The following PRR16 variants were observed in gnomAD, a reference collection of about 807,000 sequenced individuals.
The protein encoded by PRR16 is proline rich 16, also known as protein Largen.
Under a neutral mutation model 18.2 loss-of-function variants are expected in PRR16, and 6 were observed. The ratio of observed to expected loss-of-function variants is 0.33; its 90% CI spans 0.18 to 0.65. The LOEUF (loss-of-function observed/expected upper bound fraction) is 0.65. Ranked by LOEUF, PRR16 falls within the 30% of genes least tolerant of loss-of-function variation. The probability of loss-of-function intolerance (pLI) is 0.74; values close to 1 mark genes in which losing one functional copy is unlikely to be tolerated. For missense variants in PRR16, 412 were observed against 376.6 expected, an observed-to-expected ratio of 1.09 and a Z score of -0.78; for synonymous variants, 151 against 147.8, an observed-to-expected ratio of 1.02 and a Z score of -0.16.
At chr5:120,734,020 A>G in the PRR16 span, among the ~76,000 whole-genome samples, 4 of 152,204 alleles carry the variant, frequency 2.6e-5, no homozygotes, top group African/African-American at 9.6e-5. Flanking sequence ...ATTCATTAAT[A>G]CAACTGTGTG....
chr5:120,552,543 AGATT>A (rs1405336239), intron 1 of PRR16, among the ~76,000 whole-genome samples: 2 of 151,956 alleles, frequency 1.3e-5, no homozygotes, highest in South Asian at 2.1e-4. Context: ...GATTATATAT[AGATT>A]ATTTCTAGCT....
chr5:120,591,751 G>A (rs1432346080), intron 1 of PRR16, among the ~76,000 whole-genome samples: 3 of 151,920 alleles, frequency 2.0e-5, no homozygotes, highest in Non-Finnish European at 4.4e-5. Flanking sequence ...TCAATTTTCA[G>A]AATTATAGCA....
At chr5:120,613,833 C>T (rs1754415311) in intron 1 of PRR16, among the ~76,000 whole-genome samples, 1 of 152,118 alleles carries the variant, frequency 6.6e-6, no homozygotes, top group Non-Finnish European at 1.5e-5. Context: ...ATCCAATAGC[C>T]CTCTGCTGTT....
At chr5:120,792,056 T>C in the PRR16 span, among the ~76,000 whole-genome samples, 179 of 152,306 alleles carry the variant, frequency 1.2e-3, 1 homozygote, top group Non-Finnish European at 1.9e-3. Context: ...TCCATGCTGA[T>C]TGCTTCAATC....
intron 1 of PRR16, among the ~76,000 whole-genome samples, chr5:120,558,900 T>C (rs1752494560): frequency 6.6e-6 from 1 of 152,036 alleles, no homozygotes; most frequent in African/African-American, 2.4e-5. Context: ...ATCAGTGATG[T>C]TGAACACCTT....
rs189426846 is a variant in PRR16 at position 120,577,440 on chromosome 5, T to A, written c.160-108514T>A. Reference sequence around the variant, plus strand: ...ATTTGACTGGCATACTAGTTCAGTTTTGAGGAAACCAAATAGGGGCAAAGG... The same window carrying A: ...ATTTGACTGGCATACTAGTTCAGTTATGAGGAAACCAAATAGGGGCAAAGG... On this transcript the variant is annotated intron_variant, in intron 1 of 1. Coordinates refer to ENST00000407149, the MANE Select transcript of PRR16 (RefSeq NM_001300783.2). 1.0e-3 allele frequency among the ~76,000 whole-genome samples: 157 copies of A among 151,748 alleles called. 1 individual carries two copies. Among genetic ancestry groups the A allele is most frequent in the Admixed American group, 2.4e-3 (36 of 15,162 alleles).
intron 1 of PRR16, among the ~76,000 whole-genome samples, chr5:120,586,169 C>G (rs1753435503): frequency 8.3e-6 from 1 of 120,716 alleles, no homozygotes; most frequent in Admixed American, 7.8e-5. Context: ...GAGACTCCAT[C>G]TCAAAAAAAA....
chr5:120,538,494 A>C (rs1329861349), intron 1 of PRR16, among the ~76,000 whole-genome samples: 2 of 152,244 alleles, frequency 1.3e-5, no homozygotes, highest in African/African-American at 4.8e-5. Flanking sequence ...GGATACACAT[A>C]CTGCAATTTC....
At chr5:120,667,678 G>T (rs1009669080) in intron 1 of PRR16, among the ~76,000 whole-genome samples, 3 of 151,746 alleles carry the variant, frequency 2.0e-5, no homozygotes, top group Non-Finnish European at 4.4e-5. Flanking sequence ...TGGTTTCAAA[G>T]AACATCTTTA....
At chr5:120,502,191 A>C (rs147476680) in intron 1 of PRR16, among the ~76,000 whole-genome samples, 180 of 151,138 alleles carry the variant, frequency 1.2e-3, no homozygotes, top group African/African-American at 4.1e-3. Context: ...AAGCATAGAA[A>C]ATTTTAAATA....
chr5:120,619,357 C>T (rs1754614468), intron 1 of PRR16, among the ~76,000 whole-genome samples: 2 of 151,972 alleles, frequency 1.3e-5, no homozygotes, highest in South Asian at 4.2e-4. Context: ...ATAAAGTTGA[C>T]TAGGAAAAAT....
At chr5:120,664,450 G>T (rs987212413) in intron 1 of PRR16, among the ~76,000 whole-genome samples, 1 of 31,126 alleles carries the variant, frequency 3.2e-5, no homozygotes, top group Non-Finnish European at 1.5e-4. Flanking sequence ...GAGAAAAAAT[G>T]TTTTTGTTTT....
chr5:120,631,342 C>T (rs777637267), intron 1 of PRR16, among the ~76,000 whole-genome samples: 12 of 152,094 alleles, frequency 7.9e-5, no homozygotes, highest in Non-Finnish European at 5.9e-5. Context: ...AATCAACAGA[C>T]CTTTTGAAGG....
At chr5:120,478,122 G>A (rs138937179) in intron 1 of PRR16, among the ~76,000 whole-genome samples, 199 of 152,238 alleles carry the variant, frequency 1.3e-3, no homozygotes, top group African/African-American at 4.5e-3. Context: ...TGGCTGGCAT[G>A]TAGTAGATGC....
At chr5:120,557,966 T>C (rs1752468376) in intron 1 of PRR16, among the ~76,000 whole-genome samples, 1 of 151,844 alleles carries the variant, frequency 6.6e-6, no homozygotes, top group African/African-American at 2.4e-5. Context: ...TATAGGTTCT[T>C]GTTAGAAATT....
intron 1 of PRR16, among the ~76,000 whole-genome samples, 196 bp downstream of exon 1, chr5:120,464,841 A>G (rs1376159233): frequency 6.6e-6 from 1 of 151,834 alleles, no homozygotes; most frequent in African/African-American, 2.4e-5. Flanking sequence ...TTTTTTAATC[A>G]GGAAGAAATC....
rs563153519 is a variant in PRR16, at chr5:120,650,541, A to G, written c.160-35413A>G. 4.5e-5 allele frequency among the ~76,000 whole-genome samples: 6 copies of G among 132,980 alleles called. No homozygotes were observed. The South Asian group carries it at 1.4e-3, about 31-fold the overall frequency. The allele number at this position is 132,980 out of a possible 152,430, so 87.2% of individuals were successfully genotyped here. A position where few individuals can be genotyped will look rare whatever the true frequency, so the allele number is the denominator to read the frequency against. On this transcript the variant is annotated intron_variant, in intron 1 of 1. Coordinates refer to ENST00000407149, the MANE Select transcript of PRR16 (RefSeq NM_001300783.2). ...CCCCTTCCTGTGTCCATGTGTTCTCATTGTTCAATTCCCACCTATGAGTGA... is the reference window on the plus strand; with the variant it reads ...CCCCTTCCTGTGTCCATGTGTTCTCGTTGTTCAATTCCCACCTATGAGTGA...
chr5:120,719,553 T>G, the PRR16 span, among the ~76,000 whole-genome samples: 1 of 152,038 alleles, frequency 6.6e-6, no homozygotes, highest in Non-Finnish European at 1.5e-5. Flanking sequence ...ATGGGAAGAT[T>G]TTTATGCTCA....
Position 120,686,444 on chromosome 5 carries a change from G to A in PRR16, c.650G>A (p.Cys217Tyr). Residue 217 changes from cysteine to tyrosine, a missense_variant, in exon 2 of 2, where the codon TGT (cysteine) becomes TAT (tyrosine). By Grantham distance (194) the Cys-to-Tyr change is radical. Coordinates refer to ENST00000407149, the MANE Select transcript of PRR16 (RefSeq NM_001300783.2). ...GAAAAAGTACAGTACCATGGCTATT[G>A]TCCTGACTGTGATACCCGGTATAAC... ...FNEKVQYHGY[C>Y]PDCDTRYNIK... The A allele has an allele frequency of 6.2e-7, 1 of 1,614,076 alleles. No individual in the cohort carries two copies. The highest frequency in any genetic ancestry group is 1.3e-5 in the African/African-American group (1 of 75,012).
Sources: allele counts gnomAD v4.1 joint callset (sites outside exome capture counted in the v4.1 genomes callset), GRCh38; gene constraint gnomAD v4.1.1; transcripts MANE v1.5; gene names NCBI Gene and HGNC (gene_info 2026-07-23, HGNC 2026-07-21).